GPHN: variants seen among roughly 807,000 people sequenced by gnomAD.
The protein encoded by GPHN is gephyrin.
In GPHN, 17 loss-of-function variants were observed where a neutral mutation model predicts 95.5. The ratio of observed to expected loss-of-function variants is 0.18; its 90% CI spans 0.12 to 0.27. The LOEUF (loss-of-function observed/expected upper bound fraction) is 0.27, where lower values mean the gene tolerates loss of function less well. GPHN is among the 10% of genes least tolerant of loss of function. The probability of loss-of-function intolerance (pLI) is 1.00; values close to 1 mark genes in which losing one functional copy is unlikely to be tolerated. For missense variants in GPHN, 660 were observed against 978.1 expected (o/e 0.67, Z 4.34); for synonymous variants, 320 against 322.5 (o/e 0.99, Z 0.08).
the GPHN span, among the ~76,000 whole-genome samples, chr14:67,378,596 G>T: frequency 2.6e-5 from 4 of 152,100 alleles, no homozygotes; most frequent in Non-Finnish European, 5.9e-5. Flanking sequence ...TTTCTGTCCT[G>T]CAGTCCTCAG....
the GPHN span, among the ~76,000 whole-genome samples, chr14:67,523,862 G>A: frequency 1.3e-5 from 2 of 152,102 alleles, no homozygotes; most frequent in African/African-American, 4.8e-5. Context: ...CATATCCATG[G>A]GCAGTAATGT....
intron 10 of GPHN, among the ~76,000 whole-genome samples, chr14:67,054,949 G>T (rs74428604): frequency 0.011 from 1,694 of 152,240 alleles, 39 homozygotes; most frequent in African/African-American, 0.038. Flanking sequence ...GTTAAGTCAA[G>T]ATGGATTAAA....
chr14:67,639,852 G>A, the GPHN span, among the ~76,000 whole-genome samples: 2 of 148,520 alleles, frequency 1.3e-5, no homozygotes, highest in African/African-American at 5.0e-5. Flanking sequence ...TTGAATCCAG[G>A]AAGTGGAGGT....
chr14:66,644,634 A>G (rs1010462852), intron 1 of GPHN, among the ~76,000 whole-genome samples: 1 of 135,582 alleles, frequency 7.4e-6, no homozygotes. Context: ...TGTTAGCTTA[A>G]TTTTAAACAT....
chr14:67,139,178 G>C (rs375802729), intron 17 of GPHN, among the ~76,000 whole-genome samples: 4 of 151,152 alleles, frequency 2.6e-5, no homozygotes, highest in Non-Finnish European at 5.9e-5. Flanking sequence ...AGCCGAGATC[G>C]CGCCACTACA....
At chr14:67,162,456 G>A (rs993751203) in intron 19 of GPHN, among the ~76,000 whole-genome samples, 1 of 152,168 alleles carries the variant, frequency 6.6e-6, no homozygotes, top group Non-Finnish European at 1.5e-5. Context: ...ATACAATCTG[G>A]CTTTGCTATT....
intron 1 of GPHN, among the ~76,000 whole-genome samples, chr14:66,575,246 T>G (rs1326249620): frequency 1.3e-5 from 2 of 152,166 alleles, no homozygotes; most frequent in African/African-American, 2.4e-5. Context: ...TTCAGCATTT[T>G]TCAGTATTCT....
At chr14:66,832,915 G>A (rs1355941375) in intron 4 of GPHN, among the ~76,000 whole-genome samples, 1 of 152,256 alleles carries the variant, frequency 6.6e-6, no homozygotes, top group African/African-American at 2.4e-5. Context: ...TTAAAGGTAG[G>A]AGTAAAGAAG....
chr14:67,365,096 T>TA, the GPHN span: 3 of 1,373,318 alleles, frequency 2.2e-6, no homozygotes, highest in African/African-American at 4.4e-5. Flanking sequence ...AAGCTGCAGC[T>TA]TAAAAAAAAA....
chr14:67,534,077 G>A, the GPHN span, among the ~76,000 whole-genome samples: 1 of 152,044 alleles, frequency 6.6e-6, no homozygotes, highest in East Asian at 1.9e-4. Flanking sequence ...ACAGAGCCTT[G>A]GTTCAGGTAA....
At chr14:66,548,170 C>T (rs1468093026) in intron 1 of GPHN, among the ~76,000 whole-genome samples, 2 of 145,348 alleles carry the variant, frequency 1.4e-5, no homozygotes, top group Admixed American at 6.9e-5. Context: ...TTTGATGTTA[C>T]TATTGTAATT....
At chr14:66,755,804 T>C in intron 2 of GPHN, among the ~76,000 whole-genome samples, 1 of 152,184 alleles carries the variant, frequency 6.6e-6, no homozygotes, top group East Asian at 1.9e-4. Flanking sequence ...TTTAAATGCA[T>C]TGTGCTTTCT....
At chr14:66,751,084 C>G (rs1034481763) in intron 2 of GPHN, among the ~76,000 whole-genome samples, 13 of 151,886 alleles carry the variant, frequency 8.6e-5, no homozygotes, top group Non-Finnish European at 5.9e-5. Context: ...TTAGTACTTA[C>G]ATTTTCGTCA....
At chr14:66,628,566 A>T (rs2063609199) in intron 1 of GPHN, among the ~76,000 whole-genome samples, 3 of 152,130 alleles carry the variant, frequency 2.0e-5, no homozygotes, top group Non-Finnish European at 2.9e-5. Flanking sequence ...GAGTGAGTGA[A>T]TGGTGAAGGC....
the GPHN span, chr14:67,223,979 AG>A: frequency 1.0e-6 from 1 of 984,836 alleles, no homozygotes; most frequent in Non-Finnish European, 1.2e-6. Context: ...GGCGGAAATC[AG>A]AATAATAACT....
the GPHN span, among the ~76,000 whole-genome samples, chr14:67,568,150 GTTCATCACAGCAC>G: frequency 6.6e-6 from 1 of 152,008 alleles, no homozygotes; most frequent in Non-Finnish European, 1.5e-5. Context: ...TCCCACATAT[GTTCATCACAGCAC>G]TACTCACAAT....
chr14:67,338,826 C>CT, the GPHN span: 11 of 1,453,082 alleles, frequency 7.6e-6, no homozygotes, highest in South Asian at 1.2e-4. Context: ...GATTTGATTT[C>CT]TTTGAGTTTT....
chr14:66,510,433 A>G (rs760874400), intron 1 of GPHN, among the ~76,000 whole-genome samples: 21 of 152,376 alleles, frequency 1.4e-4, no homozygotes, highest in Admixed American at 2.6e-4. Flanking sequence ...TTGTGAAGTG[A>G]CATAGCAGAT....
chr14:66,573,290 G>A (rs1225817936), intron 1 of GPHN, among the ~76,000 whole-genome samples: 4 of 151,980 alleles, frequency 2.6e-5, no homozygotes, highest in Admixed American at 6.6e-5. Flanking sequence ...GCTGAAGCTG[G>A]GATATAGATA....
Sources: gnomAD v4.1 joint callset for allele counts (sites outside exome capture counted in the v4.1 genomes callset) on GRCh38, gnomAD v4.1.1 for gene constraint, MANE v1.5 for transcripts, NCBI Gene and HGNC (gene_info 2026-07-23, HGNC 2026-07-21) for gene names.